The following NKAIN3 variants were observed in gnomAD, a reference collection of about 807,000 sequenced individuals.
NKAIN3 encodes sodium/potassium transporting ATPase interacting 3.
Under a neutral mutation model 30.2 loss-of-function variants are expected in NKAIN3, and 25 were observed. The ratio of observed to expected loss-of-function variants is 0.83; its 90% confidence interval spans 0.60 to 1.16. The LOEUF is 1.16. NKAIN3 is among the 50% of genes most tolerant of loss of function. NKAIN3 has a pLI of 0.00. For synonymous variants in NKAIN3, 91 were observed against 89.6 expected (o/e 1.02, Z -0.09); for missense variants, 225 against 254.1 (o/e 0.89, Z 0.78).
chr8:62,290,821 T>G (rs1309523872), intron 1 of NKAIN3, among the ~76,000 whole-genome samples: 1 of 152,212 alleles, frequency 6.6e-6, no homozygotes, highest in Admixed American at 6.5e-5. Context: ...TGGTACCAGC[T>G]CCTCTTTGTA....
chr8:62,395,549 GC>G (rs1260389344), intron 1 of NKAIN3, among the ~76,000 whole-genome samples: 3 of 152,174 alleles, frequency 2.0e-5, no homozygotes, highest in African/African-American at 7.2e-5. Flanking sequence ...TTTCTTTATA[GC>G]TAAATATCTA....
intron 2 of NKAIN3, among the ~76,000 whole-genome samples, chr8:62,581,901 C>A (rs1163328057): frequency 3.5e-4 from 5 of 14,210 alleles, no homozygotes; most frequent in African/African-American, 3.5e-4. Context: ...CCCTCCCTTC[C>A]TTCTTTCCTT....
intron 1 of NKAIN3, among the ~76,000 whole-genome samples, chr8:62,562,455 T>G (rs1215056527): frequency 6.6e-6 from 1 of 152,184 alleles, no homozygotes; most frequent in Admixed American, 6.6e-5. Flanking sequence ...TCTATCTTTT[T>G]CTAACGTTTT....
chr8:62,922,158 C>T (rs1053717671), intron 5 of NKAIN3, among the ~76,000 whole-genome samples: 10 of 152,142 alleles, frequency 6.6e-5, no homozygotes, highest in African/African-American at 2.2e-4. Flanking sequence ...TTTATATAAA[C>T]ATTTGACCCT....
At position 62,867,080 on chromosome 8, in the gene NKAIN3, T is replaced by C. The variant is rs1429591905; in HGVS notation, c.472-51373T>C. The stretch of plus-strand genomic sequence containing the variant: ...AAAAAAAAAAAAAAATTAAACTGTT[T>C]TGTTTTGCTTTGTTTCCAGAAAAAA... On this transcript the variant is annotated intron_variant, in intron 4 of 6. Coordinates refer to ENST00000623646, the MANE Select transcript of NKAIN3 (RefSeq NM_001304533.3). Among the ~76,000 whole-genome samples, 6 of 133,398 alleles carry C rather than the reference T, an allele frequency of 4.5e-5. No individual in the cohort carries two copies. In the East Asian group the frequency reaches 1.2e-3, roughly 27 times the overall value. The allele number at this position is 133,398 out of a possible 152,430, so 87.5% of individuals were successfully genotyped here. A position where few individuals can be genotyped will look rare whatever the true frequency, so the allele number is the denominator to read the frequency against.
intron 3 of NKAIN3, among the ~76,000 whole-genome samples, chr8:62,692,576 G>T (rs1814015648): frequency 7.0e-6 from 1 of 143,832 alleles, no homozygotes; most frequent in African/African-American, 2.8e-5. Context: ...GTTCTCTTGT[G>T]CAGCATTGAT....
chr8:62,370,401 C>T (rs1816870519), intron 1 of NKAIN3, among the ~76,000 whole-genome samples: 1 of 151,692 alleles, frequency 6.6e-6, no homozygotes, highest in Non-Finnish European at 1.5e-5. Context: ...CTTAAACTTG[C>T]TTGAAGCTGA....
At chr8:62,356,776 G>A (rs563230772) in intron 1 of NKAIN3, among the ~76,000 whole-genome samples, 1 of 152,204 alleles carries the variant, frequency 6.6e-6, no homozygotes, top group Admixed American at 6.5e-5. Context: ...CACCCAAAGT[G>A]CATTCAGTAA....
chr8:62,909,497 C>A (rs10957254), intron 4 of NKAIN3, among the ~76,000 whole-genome samples: 103,209 of 151,936 alleles, frequency 0.68, 35,966 homozygotes, highest in East Asian at 0.9. Flanking sequence ...TTTACTTTGC[C>A]TGTGTTTGTT....
At chr8:62,896,798 T>C (rs1024679119) in intron 4 of NKAIN3, among the ~76,000 whole-genome samples, 2 of 152,098 alleles carry the variant, frequency 1.3e-5, no homozygotes, top group African/African-American at 4.8e-5. Flanking sequence ...CTATGTGAAT[T>C]TGGATGGATA....
chr8:62,865,935 C>T (rs1820400872), intron 4 of NKAIN3, among the ~76,000 whole-genome samples: 1 of 152,142 alleles, frequency 6.6e-6, no homozygotes, highest in African/African-American at 2.4e-5. Context: ...GCTTTTCATT[C>T]CATAACAGTC....
intron 4 of NKAIN3, among the ~76,000 whole-genome samples, chr8:62,817,742 C>A (rs1420573978): frequency 6.6e-6 from 1 of 152,156 alleles, no homozygotes; most frequent in Non-Finnish European, 1.5e-5. Flanking sequence ...TACCTCAGTT[C>A]CAGGCTTCAT....
chr8:62,386,283 A>G (rs1240455693), intron 1 of NKAIN3, among the ~76,000 whole-genome samples: 1 of 152,234 alleles, frequency 6.6e-6, no homozygotes, highest in Non-Finnish European at 1.5e-5. Flanking sequence ...TGAAGTAGTT[A>G]TAATAACACT....
intron 3 of NKAIN3, among the ~76,000 whole-genome samples, chr8:62,620,026 G>T (rs28590250): frequency 8.5e-5 from 13 of 152,252 alleles, no homozygotes; most frequent in South Asian, 4.1e-4. Flanking sequence ...TATCTCAAAA[G>T]AGTTTTACCT....
chr8:62,826,975 C>T (rs865953680), intron 4 of NKAIN3, among the ~76,000 whole-genome samples: 1 of 152,140 alleles, frequency 6.6e-6, no homozygotes, highest in African/African-American at 2.4e-5. Context: ...GGAAATTACT[C>T]AGTTATTTGG....
chr8:62,357,470 C>G (rs13256071), intron 1 of NKAIN3, among the ~76,000 whole-genome samples: 1 of 151,960 alleles, frequency 6.6e-6, no homozygotes, highest in Non-Finnish European at 1.5e-5. Flanking sequence ...TCTGTGTAAT[C>G]GAAATTTTTA....
intron 1 of NKAIN3, among the ~76,000 whole-genome samples, chr8:62,485,761 T>C (rs988678679): frequency 2.6e-5 from 4 of 152,110 alleles, no homozygotes; most frequent in African/African-American, 4.8e-5. Flanking sequence ...CGGACAATGA[T>C]CCTGGGAAAA....
At chr8:62,954,240 T>A (rs1823360543) in intron 6 of NKAIN3, among the ~76,000 whole-genome samples, 1 of 152,164 alleles carries the variant, frequency 6.6e-6, no homozygotes, top group Admixed American at 6.6e-5. Flanking sequence ...CATTTTTTAA[T>A]GAGATTATTT....
chr8:62,878,745 A>C (rs1317325826), intron 4 of NKAIN3, among the ~76,000 whole-genome samples: 2 of 141,826 alleles, frequency 1.4e-5, no homozygotes, highest in African/African-American at 5.3e-5. Flanking sequence ...CCCACCTATG[A>C]GTGAGAACAT....
Sources: gnomAD v4.1 joint callset for allele counts (sites outside exome capture counted in the v4.1 genomes callset) on GRCh38, gnomAD v4.1.1 for gene constraint, MANE v1.5 for transcripts, NCBI Gene and HGNC (gene_info 2026-07-23, HGNC 2026-07-21) for gene names.